Variants in PCSK2 observed in about 807,000 individuals in gnomAD.
PCSK2 encodes the protein neuroendocrine convertase 2.
A neutral mutation model predicts 69.7 loss-of-function variants in PCSK2; 14 were observed. That is an observed-to-expected ratio of 0.20 (90% CI 0.13 to 0.31). PCSK2 has a LOEUF of 0.31. Among genes scored for constraint, PCSK2 ranks in the 10% least tolerant of loss-of-function variants. The pLI, the probability that PCSK2 is intolerant of heterozygous loss-of-function variation, is 1.00. For synonymous variants in PCSK2, 307 were observed against 320.7 expected (o/e 0.96, Z 0.46); for missense variants, 544 against 842.5 (o/e 0.65, Z 4.39).
At chr20:17,266,565 A>G (rs1987611206) in intron 2 of PCSK2, among the ~76,000 whole-genome samples, 1 of 152,222 alleles carries the variant, frequency 6.6e-6, no homozygotes, top group Non-Finnish European at 1.5e-5. Context: ...TCTAGGAGAA[A>G]TTAAACAAAG....
intron 5 of PCSK2, among the ~76,000 whole-genome samples, chr20:17,385,421 T>C (rs1047607493): frequency 6.6e-6 from 1 of 152,224 alleles, no homozygotes; most frequent in Non-Finnish European, 1.5e-5. Flanking sequence ...TAAAATCTTA[T>C]GAAACTCTCC....
At chr20:17,384,669 C>T (rs2031186172) in intron 5 of PCSK2, among the ~76,000 whole-genome samples, 1 of 152,048 alleles carries the variant, frequency 6.6e-6, no homozygotes, top group Admixed American at 6.6e-5. Context: ...CACAGCGGCC[C>T]ATCCCTATAA....
intron 2 of PCSK2, among the ~76,000 whole-genome samples, chr20:17,280,921 T>C (rs1006980017): frequency 3.3e-5 from 5 of 152,208 alleles, no homozygotes; most frequent in Non-Finnish European, 7.3e-5. Context: ...CTCAGTGGAT[T>C]GTTCCTTTCT....
At position 17,481,748 on chromosome 20, in the gene PCSK2, A is replaced by G. The variant is rs961435982; in HGVS notation, c.1595A>G (p.Lys532Arg). 14 of 1,614,048 alleles carry G rather than the reference A, an allele frequency of 8.7e-6. No homozygotes were observed. Among genetic ancestry groups the G allele is most frequent in the Non-Finnish European group, 1.2e-5 (14 of 1,180,030 alleles). The change falls in exon 12 of 12, where the codon AAG (lysine) becomes AGG (arginine). Residue 532 changes from lysine to arginine, a missense_variant. Coordinates refer to ENST00000262545, the MANE Select transcript of PCSK2 (RefSeq NM_002594.5). ...NINMTSPMGT[K>R]SILLSRRPRD... ...AACATGACTTCCCCTATGGGCACCA[A>G]GTCCATTTTGCTGAGCCGGCGTCCA...
At chr20:17,394,739 G>A (rs1368676063) in intron 5 of PCSK2, among the ~76,000 whole-genome samples, 1 of 152,210 alleles carries the variant, frequency 6.6e-6, no homozygotes, top group Non-Finnish European at 1.5e-5. Context: ...TGTGATTAAT[G>A]TAGATTTTGG....
Position 17,465,454 on chromosome 20 carries a change from A to G in PCSK2, c.1331A>G (p.Tyr444Cys). Residue 444 changes from tyrosine (Y) to cysteine (C), a missense_variant, in exon 11 of 12, where the codon TAC becomes TGC. Tyr to Cys is a radical substitution (Grantham distance 194). This residue lies in a region of PCSK2 where 200 missense variants were observed against 287.8 expected (regional missense o/e 0.69). Coordinates refer to ENST00000262545, the MANE Select transcript of PCSK2 (RefSeq NM_002594.5). ...CTGGAATTTAATCACCTCTTTGGCT[A>G]CGGGGTCCTTGATGCAGGTGCCATG... ...VGLEFNHLFG[Y>C]GVLDAGAMVK... 1 of 1,614,104 alleles carries G rather than the reference A, an allele frequency of 6.2e-7. No homozygotes were observed. The highest frequency in any genetic ancestry group is 8.5e-7 in the Non-Finnish European group (1 of 1,179,986).
intron 10 of PCSK2, among the ~76,000 whole-genome samples, chr20:17,458,175 G>A (rs1045165909): frequency 2.0e-5 from 3 of 152,112 alleles, no homozygotes; most frequent in Admixed American, 6.5e-5. Flanking sequence ...CACGGGAGCC[G>A]GTCCTAAAAT....
At chr20:17,305,029 C>T (rs1433259014) in intron 2 of PCSK2, among the ~76,000 whole-genome samples, 5 of 152,152 alleles carry the variant, frequency 3.3e-5, no homozygotes, top group Non-Finnish European at 5.9e-5. Flanking sequence ...GCTTCCATTG[C>T]CTCCTCCTGT....
chr20:17,422,150 T>G (rs1197548387), intron 6 of PCSK2, among the ~76,000 whole-genome samples: 4 of 152,098 alleles, frequency 2.6e-5, no homozygotes, highest in Non-Finnish European at 4.4e-5. Context: ...TCTCAATAAA[T>G]GGTATAAAAT....
At chr20:17,454,318 T>G (rs1415353100) in intron 9 of PCSK2, among the ~76,000 whole-genome samples, 1 of 152,238 alleles carries the variant, frequency 6.6e-6, no homozygotes, top group Non-Finnish European at 1.5e-5. Flanking sequence ...CATCACACTG[T>G]AACCCTGTCT....
chr20:17,433,813 C>CTCT (rs59651477), intron 7 of PCSK2, among the ~76,000 whole-genome samples: 105 of 98,700 alleles, frequency 1.1e-3, no homozygotes, highest in Non-Finnish European at 1.2e-3. Flanking sequence ...CTCTCTCTCT[C>CTCT]CCCCCACTTC....
At chr20:17,451,915 C>CTTTTTTTTT (rs34323701) in intron 8 of PCSK2, among the ~76,000 whole-genome samples, 2 of 101,608 alleles carry the variant, frequency 2.0e-5, no homozygotes, top group Non-Finnish European at 3.8e-5. Flanking sequence ...TTGTACTTTG[C>CTTTTTTTTT]TTTTTTTTTT....
intron 2 of PCSK2, among the ~76,000 whole-genome samples, chr20:17,316,647 C>G (rs188697186): frequency 3.9e-5 from 6 of 152,228 alleles, no homozygotes; most frequent in African/African-American, 1.4e-4. Context: ...ATACACAGTC[C>G]TATAAAAAGT....
intron 5 of PCSK2, among the ~76,000 whole-genome samples, chr20:17,385,678 G>A (rs1456374505): frequency 6.6e-6 from 1 of 152,158 alleles, no homozygotes; most frequent in Non-Finnish European, 1.5e-5. Flanking sequence ...TGTGAGACAT[G>A]GATCCACAAA....
intron 2 of PCSK2, among the ~76,000 whole-genome samples, chr20:17,301,145 G>A (rs1389404943): frequency 2.6e-5 from 4 of 152,232 alleles, no homozygotes; most frequent in South Asian, 2.1e-4. Flanking sequence ...TACAGGATAA[G>A]CAAAGAGAGC....
intron 6 of PCSK2, among the ~76,000 whole-genome samples, chr20:17,411,281 G>C (rs1354372719): frequency 6.6e-6 from 1 of 152,242 alleles, no homozygotes; most frequent in African/African-American, 2.4e-5. Flanking sequence ...CTAGCCAAAG[G>C]AAGCCGTGAC....
At chr20:17,233,396 AG>A (rs1986215160) in intron 1 of PCSK2, among the ~76,000 whole-genome samples, 1 of 152,220 alleles carries the variant, frequency 6.6e-6, no homozygotes, top group African/African-American at 2.4e-5. Context: ...TCCTCAAAAA[AG>A]TAGCTGTGGG....
intron 5 of PCSK2, among the ~76,000 whole-genome samples, chr20:17,379,343 G>C (rs536792985): frequency 6.6e-6 from 1 of 152,358 alleles, no homozygotes; most frequent in Non-Finnish European, 1.5e-5. Context: ...GGGCAAATGT[G>C]GATCTGATGG....
intron 2 of PCSK2, among the ~76,000 whole-genome samples, chr20:17,276,808 C>T (rs915199386): frequency 9.2e-5 from 14 of 152,002 alleles, no homozygotes; most frequent in Non-Finnish European, 2.1e-4. Flanking sequence ...TGATTGTATA[C>T]CTAGAAAACC....
Sources: allele counts gnomAD v4.1 joint callset (sites outside exome capture counted in the v4.1 genomes callset), GRCh38; gene constraint gnomAD v4.1.1; regional missense constraint gnomAD v4.1.1; transcripts MANE v1.5; gene names NCBI Gene and HGNC (gene_info 2026-07-23, HGNC 2026-07-21).